Variants in RSRC1 observed in about 807,000 individuals in gnomAD.
The protein encoded by RSRC1 is arginine and serine rich coiled-coil 1.
RSRC1 carries 39 observed loss-of-function variants against 49.1 expected under a neutral mutation model. The observed-to-expected ratio is 0.79, with a 90% CI of 0.61 to 1.04. The LOEUF (loss-of-function observed/expected upper bound fraction) is 1.04, where lower values mean the gene tolerates loss of function less well. Among genes scored for constraint, RSRC1 ranks in the 50% least tolerant of loss-of-function variants. RSRC1 has a pLI of 0.00. For missense variants in RSRC1, 388 were observed against 402.4 expected (o/e 0.96, Z 0.31); for synonymous variants, 143 against 130.8 (o/e 1.09, Z -0.63).
At chr3:158,475,968 G>A (rs1226750487) in intron 7 of RSRC1, among the ~76,000 whole-genome samples, 1 of 152,152 alleles carries the variant, frequency 6.6e-6, no homozygotes, top group African/African-American at 2.4e-5. Flanking sequence ...AGTTGTGAAT[G>A]CAAAGGAAAA....
At chr3:158,360,778 G>T (rs73874387) in intron 6 of RSRC1, among the ~76,000 whole-genome samples, 11,156 of 152,292 alleles carry the variant, frequency 0.073, 480 homozygotes, top group South Asian at 0.13. Context: ...CCTCAAGCCT[G>T]CAAGGGCAAG....
chr3:158,276,938 T>A lies in RSRC1; in HGVS notation c.495-21101T>A, dbSNP rs138115585. Among the ~76,000 whole-genome samples, 230 of 152,278 alleles carry A rather than the reference T, an allele frequency of 1.5e-3. 1 individual carries two copies. The highest frequency in any genetic ancestry group is 5.4e-3 in the African/African-American group (223 of 41,558). On this transcript the variant is annotated intron_variant, in intron 4 of 9. Coordinates refer to ENST00000611884, the MANE Select transcript of RSRC1 (RefSeq NM_001271838.2). ...TAAAGTCAAAATAACCTCATATGGA[T>A]ATATAGTTTGAACACAATTAGAATT...
intron 6 of RSRC1, among the ~76,000 whole-genome samples, chr3:158,377,658 CTT>C (rs765720304): frequency 4.9e-5 from 7 of 144,236 alleles, no homozygotes; most frequent in Admixed American, 6.9e-5. Flanking sequence ...TCCGATATTC[CTT>C]TTTTTTTTTT....
At chr3:158,442,873 A>G (rs564941088) in intron 6 of RSRC1, among the ~76,000 whole-genome samples, 2 of 152,248 alleles carry the variant, frequency 1.3e-5, no homozygotes, top group African/African-American at 2.4e-5. Flanking sequence ...TGCAAAATGA[A>G]TGTTCTGTTA....
intron 4 of RSRC1, among the ~76,000 whole-genome samples, chr3:158,205,907 A>G (rs1418376460): frequency 6.6e-6 from 1 of 152,180 alleles, no homozygotes; most frequent in African/African-American, 2.4e-5. Flanking sequence ...CCTGGGCTGC[A>G]TGTGGCCCAC....
At chr3:158,112,193 C>T (rs1328998267) in intron 1 of RSRC1, among the ~76,000 whole-genome samples, 1 of 152,184 alleles carries the variant, frequency 6.6e-6, no homozygotes, top group East Asian at 1.9e-4. Flanking sequence ...AGCCTGTGCT[C>T]CATTCATCAT....
chr3:158,380,577 C>T (rs1208096513), intron 6 of RSRC1, among the ~76,000 whole-genome samples: 1 of 152,060 alleles, frequency 6.6e-6, no homozygotes, highest in East Asian at 1.9e-4. Flanking sequence ...TTATTAATCT[C>T]TAGTTTGCAA....
intron 6 of RSRC1, among the ~76,000 whole-genome samples, chr3:158,415,724 A>G (rs1452505089): frequency 1.3e-5 from 2 of 152,058 alleles, no homozygotes; most frequent in Non-Finnish European, 2.9e-5. Context: ...AGACAGATAT[A>G]ATAATTTTAC....
chr3:158,235,645 C>G (rs1406179568), intron 4 of RSRC1, among the ~76,000 whole-genome samples: 3 of 115,512 alleles, frequency 2.6e-5, no homozygotes, highest in Non-Finnish European at 3.6e-5. Flanking sequence ...TAAATGTTTA[C>G]ATATAATTTT....
At chr3:158,199,095 T>G (rs1006631371) in intron 3 of RSRC1, among the ~76,000 whole-genome samples, 2 of 152,140 alleles carry the variant, frequency 1.3e-5, no homozygotes, top group African/African-American at 2.4e-5. Context: ...ATTCTCATGA[T>G]AGTGATTGGG....
At chr3:158,409,781 AG>A (rs1734349556) in intron 6 of RSRC1, among the ~76,000 whole-genome samples, 1 of 152,132 alleles carries the variant, frequency 6.6e-6, no homozygotes, top group African/African-American at 2.4e-5. Flanking sequence ...GCTGTGAATG[AG>A]ATGATGAAAG....
chr3:158,249,926 T>C (rs919647491), intron 4 of RSRC1, among the ~76,000 whole-genome samples: 1 of 152,172 alleles, frequency 6.6e-6, no homozygotes, highest in Non-Finnish European at 1.5e-5. Flanking sequence ...TCTATCTATA[T>C]TTCTGTACCC....
intron 3 of RSRC1, among the ~76,000 whole-genome samples, chr3:158,196,360 G>A (rs1281064144): frequency 6.6e-6 from 1 of 152,178 alleles, no homozygotes; most frequent in African/African-American, 2.4e-5. Context: ...TGTATCCTGA[G>A]ACTTTGCTGA....
chr3:158,406,139 T>C (rs1030491852), intron 6 of RSRC1, among the ~76,000 whole-genome samples: 3 of 152,264 alleles, frequency 2.0e-5, no homozygotes, highest in South Asian at 2.1e-4. Flanking sequence ...ATTTCAAGCA[T>C]TGAAATATTA....
At chr3:158,164,440 G>A (rs1718421961) in intron 3 of RSRC1, among the ~76,000 whole-genome samples, 1 of 151,658 alleles carries the variant, frequency 6.6e-6, no homozygotes, top group African/African-American at 2.4e-5. Flanking sequence ...TCCAAACTAT[G>A]TATACACTTA....
chr3:158,279,283 G>A (rs1578278495), intron 4 of RSRC1, among the ~76,000 whole-genome samples: 1 of 152,208 alleles, frequency 6.6e-6, no homozygotes, highest in South Asian at 2.1e-4. Flanking sequence ...TCGCATTAAA[G>A]CAGCCATAGA....
chr3:158,270,804 AT>A, intron 4 of RSRC1, among the ~76,000 whole-genome samples: 1 of 152,298 alleles, frequency 6.6e-6, no homozygotes, highest in Middle Eastern at 3.4e-3. Flanking sequence ...CTAATCTAAA[AT>A]TTAAATATTA....
intron 6 of RSRC1, among the ~76,000 whole-genome samples, chr3:158,379,837 C>CA (rs756663444): frequency 2.0e-5 from 3 of 147,844 alleles, no homozygotes; most frequent in South Asian, 2.2e-4. Context: ...CACACACACA[C>CA]CCTCCCTCCC....
chr3:158,179,805 G>A (rs2108250318), intron 3 of RSRC1, among the ~76,000 whole-genome samples: 1 of 152,224 alleles, frequency 6.6e-6, no homozygotes, highest in African/African-American at 2.4e-5. Context: ...TTGTAATAAA[G>A]TGCCAAACTA....
Sources: gnomAD v4.1 joint callset for allele counts (sites outside exome capture counted in the v4.1 genomes callset) on GRCh38, gnomAD v4.1.1 for gene constraint, MANE v1.5 for transcripts, NCBI Gene and HGNC (gene_info 2026-07-23, HGNC 2026-07-21) for gene names.